TMED8: variants seen among roughly 807,000 people sequenced by gnomAD.
The protein encoded by TMED8 is transmembrane p24 trafficking protein family member 8.
TMED8 carries 15 observed loss-of-function variants against 32.7 expected under a neutral mutation model. The observed-to-expected ratio is 0.46, with a 90% confidence interval of 0.31 to 0.71. The LOEUF (loss-of-function observed/expected upper bound fraction) is 0.71. Among genes scored for constraint, TMED8 ranks in the 30% least tolerant of loss-of-function variants. The probability of loss-of-function intolerance (pLI) is 0.06; values close to 1 mark genes in which losing one functional copy is unlikely to be tolerated. For synonymous variants in TMED8, 147 were observed against 161.4 expected (o/e 0.91, Z 0.68); for missense variants, 390 against 423.9 (o/e 0.92, Z 0.70).
chr14:77,357,915 G>A (rs929832629), intron 1 of TMED8, among the ~76,000 whole-genome samples: 2 of 152,110 alleles, frequency 1.3e-5, no homozygotes, highest in Non-Finnish European at 2.9e-5. Context: ...CCTGAGGTCA[G>A]GAGATGGAGA....
chr14:77,366,273 C>T (rs1893551005), intron 1 of TMED8, among the ~76,000 whole-genome samples: 1 of 152,224 alleles, frequency 6.6e-6, no homozygotes, highest in African/African-American at 2.4e-5. Flanking sequence ...TTGGGGAGAA[C>T]TGTCACTGAC....
chr14:77,357,370 G>A (rs937606918), intron 1 of TMED8, among the ~76,000 whole-genome samples: 1 of 152,156 alleles, frequency 6.6e-6, no homozygotes, highest in South Asian at 2.1e-4. Context: ...AGGCATTCAT[G>A]ATCATTGTCT....
chr14:77,375,390 A>G (rs1274641056), intron 1 of TMED8, among the ~76,000 whole-genome samples: 2 of 152,242 alleles, frequency 1.3e-5, no homozygotes, highest in African/African-American at 4.8e-5. Context: ...TGCCATAAAC[A>G]CATGAGAACC....
At position 77,341,072 on chromosome 14, in the gene TMED8, A is replaced by G. The variant is rs183440284; in HGVS notation, c.*699T>C. ...TCTTGGAATAGGAAATAATGGGGGC[A>G]GTTTTTCTTCCCACAAGATCTTAGG... On this transcript the variant is annotated 3_prime_UTR_variant, in exon 6 of 6. Transcript: ENST00000216468. The G allele has an allele frequency of 2.0e-5, 3 of 152,362 alleles. No homozygotes were observed. In the East Asian group the frequency reaches 5.8e-4, roughly 29 times the overall value. 9.4% of individuals were successfully genotyped at this position (152,362 alleles called of 1,614,324 possible).
intron 1 of TMED8, among the ~76,000 whole-genome samples, chr14:77,360,786 T>C (rs1369659543): frequency 1.3e-5 from 2 of 152,192 alleles, no homozygotes; most frequent in Admixed American, 6.5e-5. Context: ...GGCTGCATCA[T>C]CTACATTTGT....
chr14:77,364,537 A>T (rs770296661), intron 1 of TMED8, among the ~76,000 whole-genome samples: 17 of 150,168 alleles, frequency 1.1e-4, no homozygotes, highest in Non-Finnish European at 2.4e-4. Flanking sequence ...GAGCCATGAT[A>T]TTTTTTTTAA....
chr14:77,362,652 G>A (rs972849972), intron 1 of TMED8, among the ~76,000 whole-genome samples: 1 of 151,970 alleles, frequency 6.6e-6, no homozygotes, highest in Non-Finnish European at 1.5e-5. Context: ...GAATGTAAAT[G>A]GATTAAGTTC....
intron 1 of TMED8, among the ~76,000 whole-genome samples, chr14:77,375,972 C>A (rs1269148312): frequency 1.3e-5 from 2 of 152,220 alleles, no homozygotes; most frequent in Non-Finnish European, 2.9e-5. Context: ...GGCACCCTGG[C>A]TCCACAGTAG....
Position 77,367,842 on chromosome 14 carries a change from C to T in TMED8, c.118+9094G>A, listed in dbSNP as rs548721814. Among the ~76,000 whole-genome samples, 6 of 152,214 alleles carry T rather than the reference C, an allele frequency of 3.9e-5. No homozygotes were observed. The South Asian group carries it at 1.2e-3, about 32-fold the overall frequency. On this transcript the variant is annotated intron_variant, in intron 1 of 5. Transcript: ENST00000216468. The stretch of plus-strand genomic sequence containing the variant: ...CTGAGCAGCTGGGACTACAGGCGCC[C>T]ACCACCACGCCCAACTAATTTTTGT...
intron 5 of TMED8, 66 bp from the exon 6 acceptor site, chr14:77,342,054 AC>A: frequency 1.4e-6 from 2 of 1,431,304 alleles, no homozygotes; most frequent in Non-Finnish European, 1.9e-6. Flanking sequence ...GAGCGGAAGG[AC>A]CAGGTGACCC....
chr14:77,343,889 T>C (rs1207844513), intron 3 of TMED8, 66 bp from the exon 4 acceptor site: 2 of 1,552,098 alleles, frequency 1.3e-6, no homozygotes, highest in Non-Finnish European at 1.7e-6. Flanking sequence ...TCTTTTTGCA[T>C]GAAGGCTGCC....
At chr14:77,362,433 T>C (rs1452145756) in intron 1 of TMED8, among the ~76,000 whole-genome samples, 2 of 152,118 alleles carry the variant, frequency 1.3e-5, no homozygotes, top group African/African-American at 4.8e-5. Flanking sequence ...CTACAATTTA[T>C]TCTACATAAG....
chr14:77,340,658 G>C lies in TMED8; in HGVS notation c.*1113C>G, dbSNP rs970008042. 1.3e-5 allele frequency: 2 copies of C among 152,148 alleles called. No homozygotes were observed. Among genetic ancestry groups the C allele is most frequent in the African/African-American group, 2.4e-5 (1 of 41,436 alleles). 9.4% of individuals were successfully genotyped at this position (152,148 alleles called of 1,614,324 possible). On this transcript the variant is annotated 3_prime_UTR_variant, in exon 6 of 6. Transcript: ENST00000216468. ...ACCAGGGAAATGCAAGCTTTGGTCA[G>C]GTAAAGAACAAATACAATCAGCAGC...
In TMED8 at chr14:77,351,213, G is replaced by A. The variant is rs544661590; in HGVS notation, c.197+460C>T. On this transcript the variant is annotated intron_variant, in intron 2 of 5. Transcript: ENST00000216468. ...TTAAAAATTAAATCCCTGGCCCGGC[G>A]CGGTGGCTCACGCCTGTAATCCCAG... is the stretch of plus-strand genomic sequence containing the variant. Among the ~76,000 whole-genome samples, 20 of 151,872 alleles carry A rather than the reference G, an allele frequency of 1.3e-4. 1 individual carries two copies. In the South Asian group the frequency reaches 3.7e-3, roughly 28 times the overall value.
In TMED8 at chr14:77,351,703, G is replaced by A; in HGVS notation, c.167C>T (p.Thr56Ile). The A allele has an allele frequency of 6.2e-7, 1 of 1,613,418 alleles. No individual in the cohort carries two copies. Residue 56 changes from threonine (T) to isoleucine (I), a missense_variant, in exon 2 of 6, where the codon ACC (threonine) becomes ATC (isoleucine). Transcript: ENST00000216468. Reference sequence around the variant, plus strand: ...GGGTGAGGAGCAGGGTTCTGGATCGGTGGCAGAAGCCAATAAAGAGGTATC... The same window carrying A: ...GGGTGAGGAGCAGGGTTCTGGATCGATGGCAGAAGCCAATAAAGAGGTATC... ...NKDTSLLASA[T>I]DPEPCSSPHR...
intron 1 of TMED8, among the ~76,000 whole-genome samples, chr14:77,374,898 G>A (rs1181935688): frequency 1.3e-5 from 2 of 152,148 alleles, no homozygotes; most frequent in Admixed American, 6.5e-5. Context: ...ACCTGTCTGC[G>A]AGTACCAATA....
chr14:77,362,902 G>C (rs972944630), intron 1 of TMED8, among the ~76,000 whole-genome samples: 3 of 152,108 alleles, frequency 2.0e-5, no homozygotes, highest in African/African-American at 7.2e-5. Flanking sequence ...ATGATAAATG[G>C]GTCAAGCCAT....
chr14:77,352,807 A>G (rs902202890), intron 1 of TMED8, among the ~76,000 whole-genome samples: 3 of 152,222 alleles, frequency 2.0e-5, no homozygotes, highest in African/African-American at 7.2e-5. Flanking sequence ...ATTAGGCAGA[A>G]CATAGAGGGC....
intron 1 of TMED8, among the ~76,000 whole-genome samples, chr14:77,354,054 C>T (rs1893238677): frequency 6.6e-6 from 1 of 152,234 alleles, no homozygotes; most frequent in Non-Finnish European, 1.5e-5. Flanking sequence ...GGCTGGTCAT[C>T]TTCACACTAT....
Sources: allele counts gnomAD v4.1 joint callset (sites outside exome capture counted in the v4.1 genomes callset), GRCh38; gene constraint gnomAD v4.1.1; transcripts MANE v1.5; gene names NCBI Gene and HGNC (gene_info 2026-07-23, HGNC 2026-07-21).